The following FBXL2 variants were observed in gnomAD, a reference collection of about 807,000 sequenced individuals.
FBXL2 encodes F-box/LRR-repeat protein 2.
In FBXL2, 38 loss-of-function variants were observed where a neutral mutation model predicts 69.2. That is an observed-to-expected ratio of 0.55 (90% CI 0.42 to 0.72). The LOEUF (loss-of-function observed/expected upper bound fraction) is 0.72, where lower values mean the gene tolerates loss of function less well. Ranked by LOEUF, FBXL2 falls within the 30% of genes least tolerant of loss-of-function variation. FBXL2 has a pLI of 0.00. For missense variants in FBXL2, 354 were observed against 520.3 expected (o/e 0.68, Z 3.11); for synonymous variants, 192 against 201.3 (o/e 0.95, Z 0.39).
chr3:33,416,954 T>C, the FBXL2 span: 2 of 825,942 alleles, frequency 2.4e-6, no homozygotes, highest in East Asian at 5.6e-5. Context: ...GTTAATTTGC[T>C]ACGGAAGCAA....
chr3:33,377,454 T>C (rs2042717086), intron 11 of FBXL2, 121 bp downstream of exon 11: 2 of 925,324 alleles, frequency 2.2e-6, no homozygotes, highest in Non-Finnish European at 3.5e-6. Flanking sequence ...CAAAGTAGAG[T>C]AGAACCCTTG....
chr3:33,317,638 C>T (rs2037829755), intron 2 of FBXL2: 6 of 381,340 alleles, frequency 1.6e-5, no homozygotes, highest in South Asian at 1.2e-4. Flanking sequence ...TATTCCATTC[C>T]ATTCCCTATT....
rs143668707 is a variant in FBXL2 at position 33,365,430 on chromosome 3, C to T, written c.290+711C>T. On this transcript the variant is annotated intron_variant, in intron 5 of 14. Coordinates refer to ENST00000484457, the MANE Select transcript of FBXL2 (RefSeq NM_012157.5). ...GAGTAGCTGGGATTACAGGCGTGCA[C>T]CACCATGCCCAGCTAATTTTTGTAT... Among the ~76,000 whole-genome samples the T allele has an allele frequency of 1.8e-3, 276 of 152,172 alleles. 2 individuals carry two copies. The highest frequency in any genetic ancestry group is 6.8e-3 in the Middle Eastern group (2 of 294).
chr3:33,410,032 A>G, the FBXL2 span, among the ~76,000 whole-genome samples: 1 of 151,956 alleles, frequency 6.6e-6, no homozygotes. Context: ...CCCCTATTCT[A>G]CCCAGCCAAC....
At position 33,378,068 on chromosome 3, in the gene FBXL2, C is replaced by T. The variant is rs754392690; in HGVS notation, c.850-35C>T. ...CCACCATTGTTGCTGTCACCACTGA[C>T]TCACATGTGGGGTGTGTCTTGTGGA... On this transcript the variant is annotated intron_variant, in intron 11 of 14. Transcript: ENST00000484457. 194 of 1,610,254 alleles carry T rather than the reference C, an allele frequency of 1.2e-4. 1 individual carries two copies. In the Admixed American group the frequency reaches 1.6e-3, roughly 14 times the overall value.
At chr3:33,325,759 TTA>T (rs1177404588) in intron 2 of FBXL2, among the ~76,000 whole-genome samples, 2 of 152,204 alleles carry the variant, frequency 1.3e-5, no homozygotes, top group African/African-American at 4.8e-5. Context: ...TTAATTTGAT[TTA>T]TAGTGTGTTT....
intron 9 of FBXL2, 145 bp downstream of exon 9, chr3:33,374,066 T>C: frequency 1.5e-6 from 1 of 671,574 alleles, no homozygotes; most frequent in South Asian, 1.8e-5. Context: ...TTATATAACC[T>C]ACCAATTTGT....
intron 4 of FBXL2, among the ~76,000 whole-genome samples, chr3:33,363,393 A>G (rs566065910): frequency 1.6e-4 from 25 of 152,352 alleles, no homozygotes; most frequent in South Asian, 1.2e-3. Flanking sequence ...GTTCAGTGCC[A>G]AGATTGCTGT....
chr3:33,400,534 A>G (rs927213324), intron 12 of FBXL2, among the ~76,000 whole-genome samples: 16 of 152,334 alleles, frequency 1.1e-4, no homozygotes, highest in African/African-American at 3.4e-4. Flanking sequence ...CAACATGGAC[A>G]ACATGAACAT....
At chr3:33,309,719 ATT>A (rs1464713315) in intron 2 of FBXL2, among the ~76,000 whole-genome samples, 2 of 152,074 alleles carry the variant, frequency 1.3e-5, no homozygotes, top group African/African-American at 4.8e-5. Flanking sequence ...TTCCTTTGTG[ATT>A]ATATGATTTT....
intron 12 of FBXL2, among the ~76,000 whole-genome samples, chr3:33,401,393 T>C (rs1187307082): frequency 1.3e-5 from 2 of 152,018 alleles, no homozygotes; most frequent in African/African-American, 2.4e-5. Context: ...TTGAAAATAA[T>C]TGCAAAAAAA....
At chr3:33,393,480 A>T in intron 12 of FBXL2, 2 of 1,591,702 alleles carry the variant, frequency 1.3e-6, no homozygotes, top group Non-Finnish European at 1.7e-6. Context: ...AAAAAAGAAA[A>T]GCATTTTAAC....
At chr3:33,395,698 TTGCACATATGTTATGC>T (rs2043951938) in intron 12 of FBXL2, among the ~76,000 whole-genome samples, 7 of 145,294 alleles carry the variant, frequency 4.8e-5, no homozygotes, top group African/African-American at 1.8e-4. Context: ...GCAGGCACTG[TTGCACATATGTTATGC>T]TTTAAGAGTT....
chr3:33,380,910 T>C (rs1004998762), intron 13 of FBXL2, among the ~76,000 whole-genome samples: 3 of 152,166 alleles, frequency 2.0e-5, no homozygotes, highest in African/African-American at 7.2e-5. Flanking sequence ...CTGGGTATAA[T>C]TGGCAAGTCT....
chr3:33,373,886 C>T lies in FBXL2; in HGVS notation c.622C>T (p.His208Tyr), dbSNP rs1488631996. ...EALKHIQNYC[H>Y]ELVSLNLQSC... ...TCTGAAACACATTCAGAATTACTGC[C>T]ATGAGCTTGTGAGCCTCAACTTGCA... The change falls in exon 9 of 15, where the codon CAT (histidine) becomes TAT (tyrosine). Residue 208 changes from histidine (H) to tyrosine (Y), a missense_variant. His to Tyr is a moderately conservative substitution (Grantham distance 83). Transcript: ENST00000484457. 3 of 1,614,236 alleles carry T rather than the reference C, an allele frequency of 1.9e-6. No individual in the cohort carries two copies. Among genetic ancestry groups the T allele is most frequent in the South Asian group, 1.1e-5 (1 of 91,084 alleles).
chr3:33,393,819 T>C (rs1691667574), intron 12 of FBXL2, among the ~76,000 whole-genome samples: 1 of 152,170 alleles, frequency 6.6e-6, no homozygotes, highest in South Asian at 2.1e-4. Context: ...TGGGGGATCT[T>C]CTTGAAATAA....
chr3:33,386,429 T>C lies in FBXL2; in HGVS notation c.*821T>C, dbSNP rs1014158176. 2.6e-5 allele frequency: 4 copies of C among 152,294 alleles called. No homozygotes were observed. The highest frequency in any genetic ancestry group is 2.6e-4 in the Admixed American group (4 of 15,300). The allele number at this position is 152,294 out of a possible 1,614,324, so 9.4% of individuals were successfully genotyped here. ...TAAAGAGAAAGAACTAAGGCTTAAG[T>C]TATCTGTAGTATAATCAATTAGAAG... On this transcript the variant is annotated 3_prime_UTR_variant, in exon 15 of 15. Transcript: ENST00000484457.
chr3:33,409,372 T>C, the FBXL2 span: 1 of 1,614,006 alleles, frequency 6.2e-7, no homozygotes. Flanking sequence ...TACTATTTCA[T>C]CTATCAGGCT....
At chr3:33,287,007 C>T (rs1275626623) in intron 1 of FBXL2, among the ~76,000 whole-genome samples, 1 of 152,176 alleles carries the variant, frequency 6.6e-6, no homozygotes, top group East Asian at 1.9e-4. Context: ...ATGCCCCACC[C>T]TGCACCATGG....
Sources: gnomAD v4.1 joint callset for allele counts (sites outside exome capture counted in the v4.1 genomes callset) on GRCh38, gnomAD v4.1.1 for gene constraint, MANE v1.5 for transcripts, NCBI Gene and HGNC (gene_info 2026-07-23, HGNC 2026-07-21) for gene names.